MYO3B: variants seen among roughly 807,000 people sequenced by gnomAD.
MYO3B encodes myosin-IIIb.
In MYO3B, 156 loss-of-function variants were observed where a neutral mutation model predicts 174.6. That is an observed-to-expected ratio of 0.89 (90% CI 0.78 to 1.02). The LOEUF (loss-of-function observed/expected upper bound fraction) is 1.02. Ranked by LOEUF, MYO3B falls within the 50% of genes least tolerant of loss-of-function variation. The pLI is 0.00. For missense variants in MYO3B, 1,632 were observed against 1,639.4 expected (o/e 1.00, Z 0.08); for synonymous variants, 563 against 569.1 (o/e 0.99, Z 0.15).
chr2:170,568,144 A>G (rs2106269697), intron 32 of MYO3B, among the ~76,000 whole-genome samples: 1 of 152,364 alleles, frequency 6.6e-6, no homozygotes, highest in South Asian at 2.1e-4. Context: ...GTGCCATGAC[A>G]TGGCAAAGCC....
intron 7 of MYO3B, among the ~76,000 whole-genome samples, chr2:170,246,889 G>A (rs2093196977): frequency 6.6e-6 from 1 of 152,046 alleles, no homozygotes; most frequent in South Asian, 2.1e-4. Flanking sequence ...CTTCCTAGGA[G>A]AGTCCTAGGG....
At chr2:170,261,401 A>C (rs756988591) in intron 7 of MYO3B, among the ~76,000 whole-genome samples, 35 of 152,172 alleles carry the variant, frequency 2.3e-4, no homozygotes, top group Non-Finnish European at 4.0e-4. Flanking sequence ...ACAAAACAAA[A>C]CAAAACCTGG....
chr2:170,513,173 A>ATCTG (rs1160941253), intron 28 of MYO3B, among the ~76,000 whole-genome samples: 1 of 152,158 alleles, frequency 6.6e-6, no homozygotes, highest in Non-Finnish European at 1.5e-5. Flanking sequence ...AGTACTTAAC[A>ATCTG]TCTGTCATGC....
chr2:170,322,182 C>G (rs2093833263), intron 7 of MYO3B, among the ~76,000 whole-genome samples: 1 of 151,854 alleles, frequency 6.6e-6, no homozygotes, highest in South Asian at 2.1e-4. Flanking sequence ...CACCCCACTC[C>G]CACCCCAGGA....
chr2:170,385,115 G>C (rs949138796), intron 12 of MYO3B, among the ~76,000 whole-genome samples: 9 of 152,058 alleles, frequency 5.9e-5, no homozygotes, highest in African/African-American at 1.4e-4. Flanking sequence ...AGGGTGTATG[G>C]GGGGAGGAAG....
chr2:170,544,570 G>A (rs1287499077), intron 32 of MYO3B, among the ~76,000 whole-genome samples: 2 of 152,344 alleles, frequency 1.3e-5, no homozygotes, highest in Admixed American at 6.5e-5. Flanking sequence ...TAAGGACTAC[G>A]TGAACCATTC....
chr2:170,260,516 A>T (rs1212494891), intron 7 of MYO3B, among the ~76,000 whole-genome samples: 1 of 152,250 alleles, frequency 6.6e-6, no homozygotes, highest in East Asian at 1.9e-4. Flanking sequence ...GTACACACAG[A>T]CATAAAGATT....
At chr2:170,512,745 G>A (rs1323552394) in intron 28 of MYO3B, among the ~76,000 whole-genome samples, 1 of 152,176 alleles carries the variant, frequency 6.6e-6, no homozygotes, top group African/African-American at 2.4e-5. Flanking sequence ...AAAAAAAGGA[G>A]AATAGGGATT....
chr2:170,443,725 C>G (rs2094819408), intron 22 of MYO3B, among the ~76,000 whole-genome samples: 1 of 151,014 alleles, frequency 6.6e-6, no homozygotes. Context: ...ATTTTATGTT[C>G]TTTTTGCTTA....
At chr2:170,307,941 G>A (rs1264572169) in intron 7 of MYO3B, among the ~76,000 whole-genome samples, 1 of 152,156 alleles carries the variant, frequency 6.6e-6, no homozygotes, top group Non-Finnish European at 1.5e-5. Flanking sequence ...GTCCAGAGTC[G>A]ATCCCTGCCT....
intron 32 of MYO3B, among the ~76,000 whole-genome samples, chr2:170,561,026 A>G (rs6712261): frequency 0.13 from 19,291 of 152,040 alleles, 2,380 homozygotes; most frequent in African/African-American, 0.32. Context: ...CTGCCTTCTG[A>G]TTTTCAACTT....
At position 170,654,981 on chromosome 2, in the gene MYO3B, C is replaced by G. The variant is rs192903444; in HGVS notation, c.*1860C>G. The G allele has an allele frequency of 3.5e-4, 53 of 152,110 alleles. No homozygotes were observed. Among genetic ancestry groups the G allele is most frequent in the African/African-American group, 1.2e-3 (51 of 41,514 alleles). 9.4% of individuals were successfully genotyped at this position (152,110 alleles called of 1,614,324 possible). On this transcript the variant is annotated 3_prime_UTR_variant, in exon 35 of 35. Coordinates refer to ENST00000408978, the MANE Select transcript of MYO3B (RefSeq NM_138995.5). ...AATTTTTTATGTTACTGTTAATATA[C>G]GAGTGCTTTTGGAAGTTTCACTTTT...
intron 23 of MYO3B, among the ~76,000 whole-genome samples, chr2:170,452,643 G>C (rs1439268709): frequency 6.6e-6 from 1 of 152,092 alleles, no homozygotes; most frequent in Non-Finnish European, 1.5e-5. Flanking sequence ...TCTACCACAG[G>C]TAAGCTCCCA....
chr2:170,578,434 A>C (rs1452877814), intron 32 of MYO3B, among the ~76,000 whole-genome samples: 1 of 152,258 alleles, frequency 6.6e-6, no homozygotes, highest in Non-Finnish European at 1.5e-5. Context: ...GTTTCTATGA[A>C]GTACTTTGTT....
rs151230140 is a variant in MYO3B, at chr2:170,639,113, G to T, written c.3734-12515G>T. ...CAACACTATCTGGTGTCCCATATCCGCAAGCACTTAAAATGTCGTTCCAAT... is the reference window on the plus strand; with the variant it reads ...CAACACTATCTGGTGTCCCATATCCTCAAGCACTTAAAATGTCGTTCCAAT... On this transcript the variant is annotated intron_variant, in intron 32 of 34. Coordinates refer to ENST00000408978, the MANE Select transcript of MYO3B (RefSeq NM_138995.5). Among the ~76,000 whole-genome samples, 418 of 152,290 alleles carry T rather than the reference G, an allele frequency of 2.7e-3. 2 individuals are homozygous for T. The highest frequency in any genetic ancestry group is 4.8e-3 in the Admixed American group (74 of 15,292).
rs2093963282 is a variant in MYO3B, at chr2:170,339,236, T to C, written c.815+3786T>C. ...GAAAAGTTTCTTTTAACCTGAATTATACAGATAATTGCTTCAGTTCCCTTT... is the reference window on the plus strand; with the variant it reads ...GAAAAGTTTCTTTTAACCTGAATTACACAGATAATTGCTTCAGTTCCCTTT... On this transcript the variant is annotated intron_variant, in intron 8 of 34. Transcript: ENST00000408978. Among the ~76,000 whole-genome samples the C allele has an allele frequency of 2.6e-5, 4 of 152,232 alleles. No homozygotes were observed. In the South Asian group the frequency reaches 8.3e-4, roughly 32 times the overall value.
intron 3 of MYO3B, among the ~76,000 whole-genome samples, chr2:170,203,471 A>G (rs142054538): frequency 8.2e-6 from 1 of 122,168 alleles, no homozygotes; most frequent in East Asian, 2.8e-4. Context: ...AGTATCTAAT[A>G]TGTAGAGCCA....
intron 14 of MYO3B, among the ~76,000 whole-genome samples, chr2:170,390,368 C>T (rs1021239650): frequency 6.6e-6 from 1 of 152,192 alleles, no homozygotes; most frequent in East Asian, 1.9e-4. Flanking sequence ...TTTGAGGCTG[C>T]AGTGAGCTAT....
chr2:170,329,157 A>G (rs1392349513), intron 7 of MYO3B, among the ~76,000 whole-genome samples: 3 of 151,912 alleles, frequency 2.0e-5, no homozygotes, highest in Non-Finnish European at 2.9e-5. Context: ...GTCTCCAAAA[A>G]AAAAAATACT....
Sources: gnomAD v4.1 joint callset for allele counts (sites outside exome capture counted in the v4.1 genomes callset) on GRCh38, gnomAD v4.1.1 for gene constraint, MANE v1.5 for transcripts, NCBI Gene and HGNC (gene_info 2026-07-23, HGNC 2026-07-21) for gene names.